Variants in SLC4A4 observed in about 807,000 individuals in gnomAD.
SLC4A4 encodes the protein electrogenic sodium bicarbonate cotransporter 1.
SLC4A4 carries 27 observed loss-of-function variants against 111.5 expected under a neutral mutation model. The ratio of observed to expected loss-of-function variants is 0.24; its 90% CI spans 0.18 to 0.33. The LOEUF (loss-of-function observed/expected upper bound fraction) is 0.33. Ranked by LOEUF, SLC4A4 falls within the 10% of genes least tolerant of loss-of-function variation. The probability of loss-of-function intolerance (pLI) is 1.00; values close to 1 mark genes in which losing one functional copy is unlikely to be tolerated. For synonymous variants in SLC4A4, 443 were observed against 463.4 expected (o/e 0.96, Z 0.57); for missense variants, 909 against 1,315.5 (o/e 0.69, Z 4.78).
At chr4:71,095,661 G>A (rs1379484754) in intron 2 of SLC4A4, among the ~76,000 whole-genome samples, 1 of 152,168 alleles carries the variant, frequency 6.6e-6, no homozygotes, top group Non-Finnish European at 1.5e-5. Flanking sequence ...TAGGTACTAT[G>A]TTAGGGCTGG....
At chr4:71,143,730 T>G (rs1405736931) in intron 2 of SLC4A4, among the ~76,000 whole-genome samples, 1 of 152,264 alleles carries the variant, frequency 6.6e-6, no homozygotes, top group Admixed American at 6.5e-5. Flanking sequence ...GTCTTTTGGC[T>G]GCATAAATGT....
chr4:71,139,197 G>GTGTC (rs1236603727), intron 2 of SLC4A4, among the ~76,000 whole-genome samples: 1 of 151,410 alleles, frequency 6.6e-6, no homozygotes, highest in East Asian at 1.9e-4. Context: ...GTGTGTGTGT[G>GTGTC]TGTGTGTGTG....
intron 6 of SLC4A4, among the ~76,000 whole-genome samples, chr4:71,396,634 A>G (rs1164946200): frequency 6.6e-6 from 1 of 152,158 alleles, no homozygotes; most frequent in Non-Finnish European, 1.5e-5. Context: ...TTGAAAAGTT[A>G]GGTTTTTTTT....
intron 19 of SLC4A4, 142 bp from the exon 20 acceptor site, chr4:71,547,506 G>A (rs1161395207): frequency 1.2e-5 from 9 of 729,688 alleles, no homozygotes; most frequent in Non-Finnish European, 2.3e-5. Flanking sequence ...TATCCTTGAG[G>A]TATTATTTAC....
intron 3 of SLC4A4, among the ~76,000 whole-genome samples, chr4:71,264,135 T>C (rs1207704801): frequency 6.6e-6 from 1 of 152,152 alleles, no homozygotes; most frequent in Non-Finnish European, 1.5e-5. Flanking sequence ...CAGATTAAGG[T>C]CCATGTTGCT....
At chr4:71,392,186 G>T (rs941892646) in intron 6 of SLC4A4, among the ~76,000 whole-genome samples, 1 of 152,034 alleles carries the variant, frequency 6.6e-6, no homozygotes, top group African/African-American at 2.4e-5. Context: ...TTGGATTTGG[G>T]TGATATGTTT....
chr4:71,493,741 C>A (rs1299742994), intron 15 of SLC4A4, among the ~76,000 whole-genome samples: 1 of 91,108 alleles, frequency 1.1e-5, no homozygotes, highest in African/African-American at 2.8e-5. Flanking sequence ...ATCTCTTTTC[C>A]TTTTCATCCC....
chr4:71,193,934 A>T (rs1330687457), intron 1 of SLC4A4, among the ~76,000 whole-genome samples: 1 of 152,218 alleles, frequency 6.6e-6, no homozygotes, highest in Admixed American at 6.5e-5. Flanking sequence ...ACTTGTAAAG[A>T]TGATAGTCTG....
At chr4:71,506,279 A>G (rs996849499) in intron 16 of SLC4A4, among the ~76,000 whole-genome samples, 1 of 151,968 alleles carries the variant, frequency 6.6e-6, no homozygotes, top group Non-Finnish European at 1.5e-5. Flanking sequence ...TTTGGGCAGT[A>G]TGGCCATTTT....
At chr4:71,171,970 C>T (rs976733292) in intron 2 of SLC4A4, among the ~76,000 whole-genome samples, 1 of 152,160 alleles carries the variant, frequency 6.6e-6, no homozygotes, top group African/African-American at 2.4e-5. Context: ...AACTCTTCTA[C>T]TTTGTTCTGT....
intron 2 of SLC4A4, among the ~76,000 whole-genome samples, chr4:71,117,169 A>G (rs1743292141): frequency 6.6e-6 from 1 of 152,002 alleles, no homozygotes; most frequent in African/African-American, 2.4e-5. Context: ...TAATTTAGGG[A>G]AAGAATTTTG....
chr4:71,081,854 G>A (rs151338732), intron 1 of SLC4A4, among the ~76,000 whole-genome samples: 1 of 152,182 alleles, frequency 6.6e-6, no homozygotes, highest in Non-Finnish European at 1.5e-5. Flanking sequence ...TTTGGGAGTG[G>A]TGGGAAGGCT....
At chr4:71,536,265 G>C (rs1054778474) in intron 18 of SLC4A4, among the ~76,000 whole-genome samples, 7 of 150,848 alleles carry the variant, frequency 4.6e-5, no homozygotes, top group African/African-American at 1.7e-4. Flanking sequence ...CCATTCAAGG[G>C]GGTGAGGGGG....
At chr4:71,089,871 T>C (rs12642223) in intron 1 of SLC4A4, among the ~76,000 whole-genome samples, 81,088 of 141,608 alleles carry the variant, frequency 0.57, 25,365 homozygotes, top group East Asian at 0.74. Context: ...GCAGTTTGTC[T>C]GTTCTCAGAT....
chr4:71,554,612 T>C (rs967900958), intron 20 of SLC4A4, among the ~76,000 whole-genome samples: 3 of 151,878 alleles, frequency 2.0e-5, no homozygotes, highest in African/African-American at 4.8e-5. Flanking sequence ...TCATAATATT[T>C]GCAAGAAGCG....
chr4:71,387,336 A>G (rs1718841056), intron 6 of SLC4A4, among the ~76,000 whole-genome samples: 1 of 151,892 alleles, frequency 6.6e-6, no homozygotes, highest in African/African-American at 2.4e-5. Flanking sequence ...CTGGTCTTCT[A>G]TCTGTTCTTT....
chr4:71,555,258 A>G (rs762409422), intron 21 of SLC4A4, 50 bp downstream of exon 21: 1 of 1,146,196 alleles, frequency 8.7e-7, no homozygotes, highest in Non-Finnish European at 1.3e-6. Flanking sequence ...TCTAGTAGTA[A>G]GAATAGTCCA....
At chr4:71,311,888 T>TGCGAGAGAGAGAGA in intron 3 of SLC4A4, among the ~76,000 whole-genome samples, 1 of 31,564 alleles carries the variant, frequency 3.2e-5, no homozygotes, top group South Asian at 7.8e-4. Context: ...TGTGCAAGGC[T>TGCGAGAGAGAGAGA]GTGAGAGAGA....
chr4:71,086,866 C>CT (rs927389748), intron 1 of SLC4A4, among the ~76,000 whole-genome samples: 50 of 151,876 alleles, frequency 3.3e-4, no homozygotes, highest in East Asian at 1.9e-4. Flanking sequence ...CTAAAATTCT[C>CT]TTTTTTTGTT....
Sources: allele counts gnomAD v4.1 joint callset (sites outside exome capture counted in the v4.1 genomes callset), GRCh38; gene constraint gnomAD v4.1.1; transcripts MANE v1.5; gene names NCBI Gene and HGNC (gene_info 2026-07-23, HGNC 2026-07-21).